The following COMMD10 variants were observed in gnomAD, a reference collection of about 807,000 sequenced individuals.
COMMD10 encodes COMM domain-containing protein 10.
COMMD10 carries 33 observed loss-of-function variants against 28.9 expected under a neutral mutation model. That is an observed-to-expected ratio of 1.14 (90% confidence interval 0.87 to 1.53). COMMD10 has a LOEUF of 1.53. Ranked by LOEUF, COMMD10 falls within the 40% of genes most tolerant of loss-of-function variation. COMMD10 has a pLI of 0.00. For missense variants in COMMD10, 310 were observed against 233.4 expected (o/e 1.33, Z -2.14); for synonymous variants, 110 against 81.7 (o/e 1.35, Z -1.87).
chr5:116,127,575 A>T (rs1041473988), intron 4 of COMMD10, among the ~76,000 whole-genome samples: 1 of 152,234 alleles, frequency 6.6e-6, no homozygotes, highest in Admixed American at 6.5e-5. Flanking sequence ...GCACATATAC[A>T]CCATGGAATA....
rs1389067626 is a variant in COMMD10 at position 116,293,185 on chromosome 5, G to A, written c.*696G>A. The A allele has an allele frequency of 2.6e-6, 1 of 389,696 alleles. No individual in the cohort carries two copies. Among genetic ancestry groups the A allele is most frequent in the African/African-American group, 2.1e-5 (1 of 48,358 alleles). The allele number at this position is 389,696 out of a possible 1,614,324, so 24.1% of individuals were successfully genotyped here. On this transcript the variant is annotated 3_prime_UTR_variant, in exon 7 of 7. Coordinates refer to ENST00000274458, the MANE Select transcript of COMMD10 (RefSeq NM_016144.4). The stretch of plus-strand genomic sequence containing the variant: ...GAATCAGGTCTTGAATAAAATAATT[G>A]TAATGAGTGCTAAATGGGCACCATT...
intron 5 of COMMD10, among the ~76,000 whole-genome samples, chr5:116,253,080 C>G (rs1387213524): frequency 9.8e-4 from 66 of 67,354 alleles, no homozygotes; most frequent in Non-Finnish European, 1.3e-3. Flanking sequence ...TGGGAGTTCA[C>G]TCATGATTTG....
intron 5 of COMMD10, among the ~76,000 whole-genome samples, chr5:116,199,415 T>G (rs535232592): frequency 6.6e-6 from 1 of 152,288 alleles, no homozygotes; most frequent in South Asian, 2.1e-4. Context: ...GCTTGTCTTT[T>G]TATTCTCTTA....
intron 5 of COMMD10, among the ~76,000 whole-genome samples, chr5:116,274,764 C>T (rs1343284255): frequency 6.6e-6 from 1 of 151,626 alleles, no homozygotes; most frequent in African/African-American, 2.4e-5. Context: ...GTTTTTAACC[C>T]ACCTCTCAAG....
At chr5:116,271,576 C>G (rs1044662730) in intron 5 of COMMD10, among the ~76,000 whole-genome samples, 7 of 151,556 alleles carry the variant, frequency 4.6e-5, no homozygotes, top group South Asian at 4.2e-4. Context: ...GTTTTTACTC[C>G]TAAGCTACCA....
chr5:116,121,212 A>G (rs1330992380), intron 4 of COMMD10, among the ~76,000 whole-genome samples: 1 of 151,810 alleles, frequency 6.6e-6, no homozygotes, highest in Non-Finnish European at 1.5e-5. Context: ...GTTCCCACCT[A>G]TGAGTGAGAA....
intron 5 of COMMD10, among the ~76,000 whole-genome samples, chr5:116,153,450 A>G (rs1752602609): frequency 6.6e-6 from 1 of 152,104 alleles, no homozygotes; most frequent in East Asian, 1.9e-4. Flanking sequence ...GGCTGATCTA[A>G]GCTGAGGGTC....
chr5:116,214,967 G>C (rs1749059818), intron 5 of COMMD10, among the ~76,000 whole-genome samples: 1 of 152,044 alleles, frequency 6.6e-6, no homozygotes, highest in African/African-American at 2.4e-5. Flanking sequence ...GAGATGAGTT[G>C]AGATATTGGA....
chr5:116,229,191 G>A (rs1044736741), intron 5 of COMMD10, among the ~76,000 whole-genome samples: 5 of 151,824 alleles, frequency 3.3e-5, no homozygotes, highest in Admixed American at 1.3e-4. Context: ...GAAAGATGAG[G>A]CATTGAACTT....
At chr5:116,126,900 G>T (rs1751667429) in intron 4 of COMMD10, among the ~76,000 whole-genome samples, 1 of 152,148 alleles carries the variant, frequency 6.6e-6, no homozygotes, top group South Asian at 2.1e-4. Flanking sequence ...AAAAGCAATG[G>T]CAACAAAAGC....
At chr5:116,156,694 C>T (rs1461894981) in intron 5 of COMMD10, among the ~76,000 whole-genome samples, 1 of 152,066 alleles carries the variant, frequency 6.6e-6, no homozygotes. Flanking sequence ...TAATCTAATT[C>T]CATAACCCCC....
At chr5:116,254,111 G>A (rs938725667) in intron 5 of COMMD10, among the ~76,000 whole-genome samples, 6 of 151,966 alleles carry the variant, frequency 3.9e-5, no homozygotes, top group African/African-American at 1.4e-4. Flanking sequence ...TTCTCTGATG[G>A]TAGTTTGTAT....
At chr5:116,172,561 T>G (rs1027950526) in intron 5 of COMMD10, among the ~76,000 whole-genome samples, 15 of 152,136 alleles carry the variant, frequency 9.9e-5, no homozygotes, top group Non-Finnish European at 2.1e-4. Flanking sequence ...ATTTAAGTGT[T>G]TTTTCTTCAG....
At chr5:116,208,233 G>A (rs1470859344) in intron 5 of COMMD10, among the ~76,000 whole-genome samples, 1 of 152,148 alleles carries the variant, frequency 6.6e-6, no homozygotes, top group African/African-American at 2.4e-5. Context: ...TGTTGTAAAA[G>A]TGATTTGACC....
rs114305375 is a variant in COMMD10, at chr5:116,230,559, G to C, written c.511-60958G>C. On this transcript the variant is annotated intron_variant, in intron 5 of 6. Transcript: ENST00000274458. ...TACATCACGATGTTAGTGAAAATTT[G>C]TTGCTGTGTTTATTTCTCACAATAA... is the stretch of plus-strand genomic sequence containing the variant. Among the ~76,000 whole-genome samples, 729 of 152,074 alleles carry C rather than the reference G, an allele frequency of 4.8e-3. 6 individuals carry two copies. The highest frequency in any genetic ancestry group is 0.015 in the African/African-American group (618 of 41,490).
At chr5:116,257,929 A>G (rs774580387) in intron 5 of COMMD10, among the ~76,000 whole-genome samples, 1 of 151,618 alleles carries the variant, frequency 6.6e-6, no homozygotes, top group Non-Finnish European at 1.5e-5. Context: ...TGTATACCCA[A>G]TTTCATTATT....
chr5:116,168,988 A>G (rs1452932583), intron 5 of COMMD10, among the ~76,000 whole-genome samples: 1 of 152,204 alleles, frequency 6.6e-6, no homozygotes, highest in African/African-American at 2.4e-5. Flanking sequence ...TCAGAGTAGA[A>G]CGAAAGGAGA....
rs140445451 is a variant in COMMD10, at chr5:116,114,397, G to A, written c.400-19671G>A. Among the ~76,000 whole-genome samples, 641 of 152,172 alleles carry A rather than the reference G, an allele frequency of 4.2e-3. 2 individuals carry two copies. The highest frequency in any genetic ancestry group is 6.8e-3 in the Non-Finnish European group (463 of 68,004). On this transcript the variant is annotated intron_variant, in intron 4 of 6. Transcript: ENST00000274458. ...TGCTCTCCCCAGTGCCCTTGTGTTG[G>A]GAGTGATTGCAATTGGCTGTGTGGG...
intron 5 of COMMD10, among the ~76,000 whole-genome samples, chr5:116,227,066 TAC>T (rs1749411075): frequency 6.6e-6 from 1 of 152,080 alleles, no homozygotes; most frequent in Admixed American, 6.6e-5. Flanking sequence ...CTTCTGGTGT[TAC>T]AGAGTGGTAA....
Sources: gnomAD v4.1 joint callset for allele counts (sites outside exome capture counted in the v4.1 genomes callset) on GRCh38, gnomAD v4.1.1 for gene constraint, MANE v1.5 for transcripts, NCBI Gene and HGNC (gene_info 2026-07-23, HGNC 2026-07-21) for gene names.